The following SGCD variants were observed in gnomAD, a reference collection of about 807,000 sequenced individuals.
SGCD encodes sarcoglycan delta, also known as delta-sarcoglycan.
SGCD carries 18 observed loss-of-function variants against 36.6 expected under a neutral mutation model. The observed-to-expected ratio is 0.49, with a 90% confidence interval of 0.34 to 0.73. The LOEUF (loss-of-function observed/expected upper bound fraction) is 0.73, where lower values mean the gene tolerates loss of function less well. SGCD is among the 30% of genes least tolerant of loss of function. The pLI is 0.01. For missense variants in SGCD, 387 were observed against 346.7 expected, an observed-to-expected ratio of 1.12 and a Z score of -0.92; for synonymous variants, 133 against 130.6, an observed-to-expected ratio of 1.02 and a Z score of -0.12.
At chr5:156,728,322 G>A (rs989531067) in intron 7 of SGCD, among the ~76,000 whole-genome samples, 31 of 151,940 alleles carry the variant, frequency 2.0e-4, no homozygotes, top group Middle Eastern at 3.4e-3. Flanking sequence ...AGAGCAACCT[G>A]GCCAACATGG....
chr5:155,802,266 A>G, the SGCD span, among the ~76,000 whole-genome samples: 4 of 152,218 alleles, frequency 2.6e-5, no homozygotes, highest in African/African-American at 9.6e-5. Flanking sequence ...ATGAGACCAC[A>G]TAAATCCCAG....
intron 1 of SGCD, among the ~76,000 whole-genome samples, chr5:156,085,138 G>T (rs1301091483): frequency 3.3e-5 from 5 of 152,060 alleles, no homozygotes; most frequent in African/African-American, 1.2e-4. Flanking sequence ...GTTCATGAGA[G>T]ATACTTGTCT....
the SGCD span, among the ~76,000 whole-genome samples, chr5:155,837,325 T>G: frequency 6.6e-6 from 1 of 151,906 alleles, no homozygotes; most frequent in Non-Finnish European, 1.5e-5. Context: ...GCCTGGCTAA[T>G]TTTTGTATTT....
chr5:156,204,783 C>A (rs1764234592), intron 3 of SGCD, among the ~76,000 whole-genome samples: 1 of 151,960 alleles, frequency 6.6e-6, no homozygotes, highest in African/African-American at 2.4e-5. Context: ...ATTGGAGAGG[C>A]AAGATCACAA....
chr5:156,112,633 T>C (rs1761814080), intron 1 of SGCD, among the ~76,000 whole-genome samples: 1 of 152,196 alleles, frequency 6.6e-6, no homozygotes, highest in Non-Finnish European at 1.5e-5. Context: ...TCTGTCTCCA[T>C]TAAACAATCA....
intron 3 of SGCD, among the ~76,000 whole-genome samples, chr5:156,428,152 A>C (rs567501099): frequency 1.3e-5 from 2 of 152,044 alleles, no homozygotes; most frequent in Non-Finnish European, 2.9e-5. Context: ...TCTGCTGTGA[A>C]TTCATCTGGT....
intron 6 of SGCD, among the ~76,000 whole-genome samples, chr5:156,613,947 T>C (rs1760738062): frequency 6.6e-6 from 1 of 151,976 alleles, no homozygotes; most frequent in Admixed American, 6.6e-5. Flanking sequence ...ACAGGCTGGC[T>C]GGCTTCCTTC....
intron 1 of SGCD, among the ~76,000 whole-genome samples, chr5:155,893,340 A>G (rs190241956): frequency 3.7e-4 from 56 of 152,336 alleles, no homozygotes; most frequent in African/African-American, 1.3e-3. Flanking sequence ...AATAATACAC[A>G]TCTATTGTCT....
intron 3 of SGCD, among the ~76,000 whole-genome samples, chr5:156,235,044 A>G (rs532820666): frequency 6.6e-6 from 1 of 152,314 alleles, no homozygotes; most frequent in East Asian, 1.9e-4. Context: ...TTCTTATAAT[A>G]TTCATGATAA....
At chr5:156,711,653 G>C (rs1297224642) in intron 7 of SGCD, among the ~76,000 whole-genome samples, 1 of 152,154 alleles carries the variant, frequency 6.6e-6, no homozygotes, top group African/African-American at 2.4e-5. Flanking sequence ...CTTTCATCTA[G>C]TACAATTTTT....
chr5:156,401,842 T>C (rs1772167663), intron 3 of SGCD, among the ~76,000 whole-genome samples: 1 of 152,178 alleles, frequency 6.6e-6, no homozygotes. Context: ...ATTAAGTACA[T>C]GCATATTATT....
intron 1 of SGCD, among the ~76,000 whole-genome samples, chr5:155,953,845 G>A (rs1343376969): frequency 6.6e-6 from 1 of 152,024 alleles, no homozygotes; most frequent in African/African-American, 2.4e-5. Context: ...TTTCAGTTGT[G>A]CGTTAAAATA....
chr5:156,403,422 C>T (rs550221045), intron 3 of SGCD, among the ~76,000 whole-genome samples: 2 of 152,308 alleles, frequency 1.3e-5, no homozygotes, highest in East Asian at 1.9e-4. Flanking sequence ...AACTCTGCTC[C>T]ATATTGTGTG....
intron 1 of SGCD, among the ~76,000 whole-genome samples, chr5:156,041,844 G>T (rs1759643866): frequency 6.6e-6 from 1 of 152,198 alleles, no homozygotes. Flanking sequence ...TCTGATTGTG[G>T]ATTACACAAC....
intron 7 of SGCD, among the ~76,000 whole-genome samples, chr5:156,711,231 G>C (rs1754979252): frequency 6.6e-6 from 1 of 152,152 alleles, no homozygotes; most frequent in Admixed American, 6.5e-5. Context: ...GGGGGGCTTA[G>C]AATTTTATTT....
chr5:155,832,658 G>T, the SGCD span, among the ~76,000 whole-genome samples: 3 of 152,158 alleles, frequency 2.0e-5, no homozygotes, highest in Admixed American at 2.0e-4. Flanking sequence ...CAATGATAAT[G>T]CTACATTGAT....
the SGCD span, among the ~76,000 whole-genome samples, chr5:155,784,374 C>T: frequency 4.8e-3 from 730 of 152,222 alleles, 5 homozygotes; most frequent in African/African-American, 0.017. Context: ...TCAGGGCGAG[C>T]AGTAAGCCGT....
chr5:156,406,550 T>G (rs1772419348), intron 3 of SGCD, among the ~76,000 whole-genome samples: 1 of 151,900 alleles, frequency 6.6e-6, no homozygotes, highest in African/African-American at 2.4e-5. Context: ...CTTCAATCCG[T>G]TCAAGTTTCA....
At chr5:156,324,993 A>G (rs1479614657), upstream of SGCD, among the ~76,000 whole-genome samples, 1 of 152,194 alleles carries the variant, frequency 6.6e-6, no homozygotes, top group African/African-American at 2.4e-5. Context: ...AATTGTTAAT[A>G]GTCTTCTATT....
Sources: gnomAD v4.1 joint callset for allele counts (sites outside exome capture counted in the v4.1 genomes callset) on GRCh38, gnomAD v4.1.1 for gene constraint, MANE v1.5 for transcripts, NCBI Gene and HGNC (gene_info 2026-07-23, HGNC 2026-07-21) for gene names.